TSPYL2: variants seen among roughly 807,000 people sequenced by gnomAD.
The protein encoded by TSPYL2 is testis-specific Y-encoded-like protein 2.
TSPYL2 carries 9 observed loss-of-function variants against 33.0 expected under a neutral mutation model. The ratio of observed to expected loss-of-function variants is 0.27; its 90% CI spans 0.16 to 0.48. The LOEUF is 0.48. TSPYL2 is among the 20% of genes least tolerant of loss of function. The pLI, the probability that TSPYL2 is intolerant of heterozygous loss-of-function variation, is 0.99. For synonymous variants in TSPYL2, 330 were observed against 233.6 expected (o/e 1.41, Z -3.77); for missense variants, 636 against 586.2 (o/e 1.08, Z -0.88).
chrX:53,088,530 G>A lies in TSPYL2; in HGVS notation c.*591G>A, dbSNP rs1932796679. 8.8e-6 allele frequency: 1 copy of A among 114,015 alleles called. No individual in the cohort carries two copies. Among genetic ancestry groups the A allele is most frequent in the Admixed American group, 9.2e-5 (1 of 10,907 alleles). 9.4% of individuals were successfully genotyped at this position (114,015 alleles called of 1,213,427 possible). A position where few individuals can be genotyped will look rare whatever the true frequency, so the allele number is the denominator to read the frequency against. ...ACCCTGTTAATCCCAATAAAATTCT[G>A]AGCAAGTTCAGAGTGCCGCTTCGAG... On this transcript the variant is annotated 3_prime_UTR_variant, in exon 7 of 7. Coordinates refer to ENST00000375442, the MANE Select transcript of TSPYL2 (RefSeq NM_022117.4).
chrX:53,085,814 G>A lies in TSPYL2; in HGVS notation c.1422G>A (p.Glu474=). The A allele has an allele frequency of 8.3e-7, 1 of 1,211,463 alleles. No individual in the cohort carries two copies. Among genetic ancestry groups the A allele is most frequent in the Non-Finnish European group, 1.1e-6 (1 of 895,488 alleles). ...TTDNEITDIN[E]NICDSENPDH... ...ACAATGAGATAACTGACATCAATGA[G>A]AACATCTGCGACAGCGAGAATCCTG... Residue 474 remains glutamate, a synonymous_variant, in exon 6 of 7, where the codon GAG becomes GAA. Coordinates refer to ENST00000375442, the MANE Select transcript of TSPYL2 (RefSeq NM_022117.4).
chrX:53,085,935 A>G lies in TSPYL2; in HGVS notation c.1543A>G (p.Asn515Asp). ...TDNNESADDN[N>D]ENPEDNNKNT... Reference sequence around the variant, plus strand: ...CAACAATGAGAGTGCAGATGACAACAACGAGAATCCTGAAGACAATAACAA... The same window carrying G: ...CAACAATGAGAGTGCAGATGACAACGACGAGAATCCTGAAGACAATAACAA... Residue 515 changes from asparagine (N) to aspartate (D), a missense_variant, in exon 6 of 7, where the codon AAC becomes GAC. By Grantham distance (23) the Asn-to-Asp change is conservative. Around this residue, in one of 3 missense-constraint regions of TSPYL2, gnomAD observed 401 missense variants for 363.0 expected, o/e 1.10. Transcript: ENST00000375442. 8.3e-6 allele frequency: 10 copies of G among 1,209,562 alleles called. No homozygotes were observed. In the African/African-American group the frequency reaches 8.7e-5, roughly 10 times the overall value.
Position 53,082,759 on chromosome X carries a change from C to T in TSPYL2, c.261C>T (p.Tyr87=), listed in dbSNP as rs782167085. ...TCGAGGAGGGGGGGATCCGCGCATA[C>T]TTCACGCTCGGTGCTGAGTGTCCCG... ...VILEEGGIRA[Y]FTLGAECPGW... The change falls in exon 1 of 7, where the codon TAC becomes TAT. Residue 87 remains tyrosine, a synonymous_variant. Transcript: ENST00000375442. 3 of 1,186,680 alleles carry T rather than the reference C, an allele frequency of 2.5e-6. No homozygotes were observed. The highest frequency in any genetic ancestry group is 1.9e-5 in the South Asian group (1 of 53,920).
chrX:53,082,708 G>A lies in TSPYL2; in HGVS notation c.210G>A (p.Leu70=), dbSNP rs782014870. Residue 70 remains leucine, a synonymous_variant, in exon 1 of 7, where the codon CTG becomes CTA. Coordinates refer to ENST00000375442, the MANE Select transcript of TSPYL2 (RefSeq NM_022117.4). ...GGGGGGTGGGACTGGGCCCCGCGCT[G>A]CCCCCGCCGCCTCCCTATGTCATTC... ...DMRGVGLGPA[L]PPPPPYVILE... 6 of 1,146,282 alleles carry A rather than the reference G, an allele frequency of 5.2e-6. No homozygotes were observed. The highest frequency in any genetic ancestry group is 6.9e-6 in the Non-Finnish European group (6 of 866,731). The allele number at this position is 1,146,282 out of a possible 1,213,427, so 94.5% of individuals were successfully genotyped here.
chrX:53,082,762 C>A lies in TSPYL2; in HGVS notation c.264C>A (p.Phe88Leu). ...AGGAGGGGGGGATCCGCGCATACTT[C>A]ACGCTCGGTGCTGAGTGTCCCGGCT... Reference protein sequence around the residue: ...ILEEGGIRAYFTLGAECPGWD... With the variant: ...ILEEGGIRAYLTLGAECPGWD... The change falls in exon 1 of 7, where the codon TTC becomes TTA. Residue 88 changes from phenylalanine to leucine, a missense_variant. Transcript: ENST00000375442. The A allele has an allele frequency of 1.7e-6, 2 of 1,187,206 alleles. No individual in the cohort carries two copies. The highest frequency in any genetic ancestry group is 2.3e-6 in the Non-Finnish European group (2 of 885,360).
In TSPYL2 at chrX:53,085,873, A is replaced by G. The variant is rs782642668; in HGVS notation, c.1481A>G (p.Asp494Gly). Residue 494 changes from aspartate (D) to glycine (G), a missense_variant, in exon 6 of 7, where the codon GAT becomes GGT. Physicochemically the swap from Asp to Gly is moderately conservative, Grantham distance 94. Coordinates refer to ENST00000375442, the MANE Select transcript of TSPYL2 (RefSeq NM_022117.4). ...HNEVPNNETT[D>G]NNESADDHET... Reference sequence around the variant, plus strand: ...GAGGTCCCCAACAACGAGACCACTGATAACAACGAGAGTGCTGATGACCAC... The same window carrying G: ...GAGGTCCCCAACAACGAGACCACTGGTAACAACGAGAGTGCTGATGACCAC... The G allele has an allele frequency of 2.9e-5, 35 of 1,211,923 alleles. No homozygotes were observed. The highest frequency in any genetic ancestry group is 3.8e-5 in the Non-Finnish European group (34 of 895,571).
chrX:53,087,028 C>T (rs949511214), intron 6 of TSPYL2: 4 of 114,273 alleles, frequency 3.5e-5, no homozygotes, highest in African/African-American at 1.3e-4. Flanking sequence ...TAGTAATACC[C>T]TCTTGTAGAG....
At chrX:53,086,420 GAA>G in intron 6 of TSPYL2, 110 bp downstream of exon 6, 1 of 777,092 alleles carries the variant, frequency 1.3e-6, no homozygotes, top group African/African-American at 2.2e-5. Context: ...ATGGAGGAAA[GAA>G]AAAGCATTCT....
At chrX:53,084,524 C>T in intron 1 of TSPYL2, 21 bp from the exon 2 acceptor site, 2 of 1,143,312 alleles carry the variant, frequency 1.7e-6, no homozygotes, top group Non-Finnish European at 2.3e-6. Context: ...AATCCTTGAC[C>T]TAAACTGCTC....
In TSPYL2 at chrX:53,085,267, A is replaced by G; in HGVS notation, c.1184A>G (p.Tyr395Cys). ...CTGTGGGTTAACCCTCTACGCTACT[A>G]CCTGAGAGAAAGGGGCTCCAGGATA... Reference protein sequence around the residue: ...NDLWVNPLRYYLRERGSRIKR... With the variant: ...NDLWVNPLRYCLRERGSRIKR... Residue 395 changes from tyrosine (Y) to cysteine (C), a missense_variant, in exon 5 of 7, where the codon TAC becomes TGC. By Grantham distance (194) the Tyr-to-Cys change is radical. This residue lies in a region of TSPYL2 where 401 missense variants were observed against 363.0 expected (regional missense o/e 1.10). Coordinates refer to ENST00000375442, the MANE Select transcript of TSPYL2 (RefSeq NM_022117.4). 1 of 1,208,625 alleles carries G rather than the reference A, an allele frequency of 8.3e-7. No homozygotes were observed. Among genetic ancestry groups the G allele is most frequent in the Non-Finnish European group, 1.1e-6 (1 of 894,372 alleles).
At position 53,083,188 on chromosome X, in the gene TSPYL2, C is replaced by T; in HGVS notation, c.690C>T (p.Asn230=). The T allele has an allele frequency of 1.7e-6, 2 of 1,211,373 alleles. No homozygotes were observed. The highest frequency in any genetic ancestry group is 3.5e-5 in the African/African-American group (2 of 57,716). The change falls in exon 1 of 7, where the codon AAC becomes AAT. Residue 230 remains asparagine (N), a synonymous_variant. Transcript: ENST00000375442. Reference sequence around the variant, plus strand: ...TTCAGCTGGATCTGGAGGCAGTGAACATCAAGGCAGGCAAAGCCTTCCTGC... The same window carrying T: ...TTCAGCTGGATCTGGAGGCAGTGAATATCAAGGCAGGCAAAGCCTTCCTGC... ...EDIQLDLEAV[N]IKAGKAFLRL...
chrX:53,083,908 A>T, intron 1 of TSPYL2, among the ~76,000 whole-genome samples: 1 of 111,982 alleles, frequency 8.9e-6, no homozygotes, highest in East Asian at 2.8e-4. Flanking sequence ...AAAAGGAGTT[A>T]AATGAAGGAA....
intron 6 of TSPYL2, chrX:53,087,158 T>A (rs1569229672): frequency 8.9e-6 from 1 of 112,127 alleles, no homozygotes; most frequent in Non-Finnish European, 1.9e-5. Flanking sequence ...TTTTTGGCTA[T>A]GGGGTCCCTG....
chrX:53,084,483 G>A (rs782067123), intron 1 of TSPYL2, 62 bp from the exon 2 acceptor site: 1 of 1,010,730 alleles, frequency 9.9e-7, no homozygotes, highest in Non-Finnish European at 1.3e-6. Flanking sequence ...GCCCTTCCTG[G>A]CCTTCCCTCC....
At chrX:53,084,925 C>G in intron 3 of TSPYL2, 29 bp from the exon 4 acceptor site, 1 of 1,208,914 alleles carries the variant, frequency 8.3e-7, no homozygotes, top group Non-Finnish European at 1.1e-6. Flanking sequence ...CTTGTTTTGT[C>G]CCATCTCCAT....
chrX:53,087,478 G>C (rs192412798), intron 6 of TSPYL2: 125 of 266,945 alleles, frequency 4.7e-4, no homozygotes, highest in African/African-American at 3.1e-3. Context: ...CTCAGGAAGA[G>C]ACACACATTG....
rs1455511030 is a variant in TSPYL2 at position 53,086,050 on chromosome X, G to C, written c.1658G>C (p.Gly553Ala). 8.5e-7 allele frequency: 1 copy of C among 1,169,965 alleles called. No individual in the cohort carries two copies. The highest frequency in any genetic ancestry group is 1.1e-6 in the Non-Finnish European group (1 of 875,056). Residue 553 changes from glycine to alanine, a missense_variant, in exon 6 of 7, where the codon GGC becomes GCC. Gly to Ala is a moderately conservative substitution (Grantham distance 60). Transcript: ENST00000375442. ...AAAGGTGGCTTCTGGGGCAGCCATG[G>C]CAACAACCAGGACAGCAGCGACAGT... ...FFKGGFWGSH[G>A]NNQDSSDSDN...
At chrX:53,086,370 C>A in intron 6 of TSPYL2, 60 bp downstream of exon 6, 2 of 1,086,194 alleles carry the variant, frequency 1.8e-6, no homozygotes, top group Non-Finnish European at 2.5e-6. Flanking sequence ...GCAAGCCTGG[C>A]CAAGGACAGG....
At position 53,087,990 on chromosome X, in the gene TSPYL2, C is replaced by CAGCTAGG; in HGVS notation, c.*52_*53insGCTAGGA. The CAGCTAGG allele has an allele frequency of 1.7e-6, 2 of 1,160,830 alleles. No individual in the cohort carries two copies. The highest frequency in any genetic ancestry group is 2.3e-6 in the Non-Finnish European group (2 of 857,178). ...TCTCTGTATCCCCCACCCACTATCCCATTTGCCCTCCTCCTCAGCTAGGGC... is the reference window on the plus strand; with the variant it reads ...TCTCTGTATCCCCCACCCACTATCCCAGCTAGGATTTGCCCTCCTCCTCAGCTAGGGC... On this transcript the variant is annotated 3_prime_UTR_variant, in exon 7 of 7. Transcript: ENST00000375442.
Sources: allele counts gnomAD v4.1 joint callset (sites outside exome capture counted in the v4.1 genomes callset), GRCh38; gene constraint gnomAD v4.1.1; regional missense constraint gnomAD v4.1.1; transcripts MANE v1.5; gene names NCBI Gene and HGNC (gene_info 2026-07-23, HGNC 2026-07-21).